DNAI7: variants seen among roughly 807,000 people sequenced by gnomAD.
DNAI7 encodes the protein dynein axonemal intermediate chain 7, also known as cancer susceptibility 1.
A neutral mutation model predicts 86.6 loss-of-function variants in DNAI7; 78 were observed. The observed-to-expected ratio is 0.90, with a 90% confidence interval of 0.75 to 1.09. The LOEUF (loss-of-function observed/expected upper bound fraction) is 1.09. Among genes scored for constraint, DNAI7 ranks in the 50% least tolerant of loss-of-function variants. The pLI, the probability that DNAI7 is intolerant of heterozygous loss-of-function variation, is 0.00. For missense variants in DNAI7, 753 were observed against 810.2 expected, an observed-to-expected ratio of 0.93 and a Z score of 0.86; for synonymous variants, 274 against 273.0, an observed-to-expected ratio of 1.00 and a Z score of -0.04.
intron 2 of DNAI7, among the ~76,000 whole-genome samples, chr12:25,167,093 G>C (rs1947566671): frequency 6.6e-6 from 1 of 151,874 alleles, no homozygotes; most frequent in African/African-American, 2.4e-5. Context: ...TTCCTTTCCT[G>C]TTCCTCACCC....
chr12:25,162,065 A>G (rs1293184169), intron 2 of DNAI7, among the ~76,000 whole-genome samples: 1 of 152,222 alleles, frequency 6.6e-6, no homozygotes, highest in Non-Finnish European at 1.5e-5. Context: ...AATAGATGGC[A>G]TCTAAATTTG....
At chr12:25,194,894 C>T (rs1460919972) in intron 1 of DNAI7, 182 bp downstream of exon 1, 1 of 1,614,006 alleles carries the variant, frequency 6.2e-7, no homozygotes, top group East Asian at 2.2e-5. Context: ...ACCTGTCCGC[C>T]TGGTCCAGGT....
intron 2 of DNAI7, among the ~76,000 whole-genome samples, chr12:25,175,866 T>G (rs904183483): frequency 6.6e-6 from 1 of 150,916 alleles, no homozygotes; most frequent in African/African-American, 2.4e-5. Flanking sequence ...GATCACGAGG[T>G]CAGGAGTTTG....
chr12:25,140,811 T>C (rs1394726161), intron 9 of DNAI7, among the ~76,000 whole-genome samples: 1 of 152,124 alleles, frequency 6.6e-6, no homozygotes, highest in African/African-American at 2.4e-5. Context: ...CTTCAAACTA[T>C]ACTATTAAGC....
intron 8 of DNAI7, among the ~76,000 whole-genome samples, chr12:25,146,222 CAA>C (rs565902390): frequency 2.5e-5 from 3 of 120,032 alleles, no homozygotes; most frequent in Non-Finnish European, 5.3e-5. Context: ...AACTCTGTCT[CAA>C]AAAAAAAAAG....
At chr12:25,162,450 G>C (rs1031319679) in intron 2 of DNAI7, among the ~76,000 whole-genome samples, 3 of 152,208 alleles carry the variant, frequency 2.0e-5, no homozygotes, top group Non-Finnish European at 4.4e-5. Flanking sequence ...AAGCAGATAC[G>C]AAAGCAATTT....
chr12:25,126,687 T>G (rs985563570), intron 9 of DNAI7, among the ~76,000 whole-genome samples: 3 of 152,136 alleles, frequency 2.0e-5, no homozygotes, highest in Non-Finnish European at 4.4e-5. Context: ...ATGAATTTGA[T>G]TGTGGAATGT....
At chr12:25,177,422 A>G (rs991579426) in intron 2 of DNAI7, among the ~76,000 whole-genome samples, 2 of 152,104 alleles carry the variant, frequency 1.3e-5, no homozygotes, top group Non-Finnish European at 2.9e-5. Context: ...AAAATACAAT[A>G]TTTGCCCTCA....
intron 3 of DNAI7, among the ~76,000 whole-genome samples, chr12:25,160,896 T>C (rs906780419): frequency 2.0e-5 from 3 of 152,206 alleles, no homozygotes; most frequent in Non-Finnish European, 2.9e-5. Flanking sequence ...TGGGCTCTTG[T>C]ATTTTATCTC....
intron 2 of DNAI7, chr12:25,185,907 A>T (rs2141337256): frequency 5.5e-6 from 1 of 182,514 alleles, no homozygotes; most frequent in Admixed American, 6.5e-5. Context: ...AAATACAATC[A>T]ATTCAAATAA....
At chr12:25,117,080 T>C (rs1428309134) in intron 12 of DNAI7, among the ~76,000 whole-genome samples, 1 of 150,996 alleles carries the variant, frequency 6.6e-6, no homozygotes, top group Non-Finnish European at 1.5e-5. Flanking sequence ...ACTACAGGCA[T>C]ATGCCACCAC....
intron 9 of DNAI7, among the ~76,000 whole-genome samples, chr12:25,140,435 C>T (rs1006842012): frequency 1.3e-5 from 2 of 151,886 alleles, no homozygotes; most frequent in African/African-American, 4.8e-5. Context: ...AGAACTCAGC[C>T]CCTTTTACAG....
rs750641721 is a variant in DNAI7, at chr12:25,161,196, G to A, written c.23C>T (p.Ser8Phe). 3 of 1,613,064 alleles carry A rather than the reference G, an allele frequency of 1.9e-6. No individual in the cohort carries two copies. Among genetic ancestry groups the A allele is most frequent in the Admixed American group, 3.3e-5 (2 of 59,968 alleles). Residue 8 changes from serine to phenylalanine, a missense_variant and splice_region_variant, in exon 3 of 16, where the codon TCT becomes TTT. Ser to Phe is a radical substitution (Grantham distance 155). Coordinates refer to ENST00000395987, the MANE Select transcript of DNAI7 (RefSeq NM_018272.5). The stretch of plus-strand genomic sequence containing the variant: ...GGTGACTTTCTTTTTCTTACTGCCA[G>A]ACTTAACAAAGGCCACATCATAAAA... MGPKAKK[S>F]GSKKKKVTKA...
intron 2 of DNAI7, among the ~76,000 whole-genome samples, chr12:25,173,883 A>C (rs375472512): frequency 9.7e-6 from 1 of 103,098 alleles, no homozygotes; most frequent in Non-Finnish European, 2.0e-5. Flanking sequence ...ATATATACAC[A>C]TCATTCATAT....
At chr12:25,107,824 A>T, downstream of DNAI7, 1 of 1,613,292 alleles carries the variant, frequency 6.2e-7, no homozygotes, top group Non-Finnish European at 8.5e-7. Flanking sequence ...TAGTTATGAC[A>T]CAATAGCTTC....
chr12:25,191,380 C>A (rs1171235696), intron 1 of DNAI7, among the ~76,000 whole-genome samples: 1 of 151,858 alleles, frequency 6.6e-6, no homozygotes, highest in Non-Finnish European at 1.5e-5. Flanking sequence ...GGCAGCCAAG[C>A]GAGACCGCAT....
intron 1 of DNAI7, chr12:25,194,795 C>G: frequency 7.3e-7 from 1 of 1,362,508 alleles, no homozygotes; most frequent in East Asian, 2.3e-5. Context: ...AGGTTGGGAC[C>G]AATTTTCAAG....
intron 3 of DNAI7, 92 bp downstream of exon 3, chr12:25,161,021 G>C (rs1200441789): frequency 2.2e-6 from 2 of 910,468 alleles, no homozygotes; most frequent in Non-Finnish European, 3.5e-6. Flanking sequence ...TAAAATTAAA[G>C]AACTTTGAAA....
intron 9 of DNAI7, among the ~76,000 whole-genome samples, chr12:25,134,057 T>A (rs776660153): frequency 1.4e-4 from 22 of 152,168 alleles, no homozygotes; most frequent in Non-Finnish European, 2.6e-4. Context: ...TGCAGTGGCA[T>A]GACCACTGCT....
Sources: allele counts gnomAD v4.1 joint callset (sites outside exome capture counted in the v4.1 genomes callset), GRCh38; gene constraint gnomAD v4.1.1; transcripts MANE v1.5; gene names NCBI Gene and HGNC (gene_info 2026-07-23, HGNC 2026-07-21).